Variants in CCSER1 observed in about 807,000 individuals in gnomAD.
CCSER1 encodes the protein serine-rich coiled-coil domain-containing protein 1.
In CCSER1, 41 loss-of-function variants were observed where a neutral mutation model predicts 82.0. That is an observed-to-expected ratio of 0.50 (90% confidence interval 0.39 to 0.65). The LOEUF (loss-of-function observed/expected upper bound fraction) is 0.65, where lower values mean the gene tolerates loss of function less well. CCSER1 is among the 30% of genes least tolerant of loss of function. The probability of loss-of-function intolerance (pLI) is 0.00; values close to 1 mark genes in which losing one functional copy is unlikely to be tolerated. For missense variants in CCSER1, 1,119 were observed against 1,064.2 expected (o/e 1.05, Z -0.72); for synonymous variants, 414 against 383.9 (o/e 1.08, Z -0.92).
intron 10 of CCSER1, among the ~76,000 whole-genome samples, chr4:91,574,256 GA>G (rs36091173): frequency 0.63 from 95,287 of 150,084 alleles, 30,186 homozygotes; most frequent in East Asian, 0.73. Flanking sequence ...TGAGGTTCTG[GA>G]AAAAAAAAAA....
At chr4:91,513,407 A>G (rs971934691) in intron 10 of CCSER1, among the ~76,000 whole-genome samples, 3 of 152,120 alleles carry the variant, frequency 2.0e-5, no homozygotes, top group Non-Finnish European at 4.4e-5. Context: ...CAGCAGGGAT[A>G]TTAGCCTGTG....
chr4:90,255,313 G>A (rs745349647), intron 1 of CCSER1, among the ~76,000 whole-genome samples: 3 of 151,896 alleles, frequency 2.0e-5, no homozygotes, highest in Non-Finnish European at 4.4e-5. Context: ...ACATTCACAA[G>A]TAGAAGGTTG....
At chr4:90,492,916 G>T (rs1257976749) in intron 5 of CCSER1, among the ~76,000 whole-genome samples, 1 of 151,986 alleles carries the variant, frequency 6.6e-6, no homozygotes, top group South Asian at 2.1e-4. Flanking sequence ...TTTTACATTT[G>T]CTGAGGAGTG....
chr4:90,528,778 A>G (rs146654441), intron 5 of CCSER1, among the ~76,000 whole-genome samples: 85 of 152,234 alleles, frequency 5.6e-4, no homozygotes, highest in African/African-American at 2.0e-3. Context: ...ACTCATTCCC[A>G]ATGGGTTGTA....
intron 1 of CCSER1, among the ~76,000 whole-genome samples, chr4:90,133,807 T>C (rs1156829783): frequency 6.6e-6 from 1 of 152,202 alleles, no homozygotes; most frequent in African/African-American, 2.4e-5. Context: ...TTTTGTATGA[T>C]TGGTTCAGTA....
intron 10 of CCSER1, among the ~76,000 whole-genome samples, chr4:91,181,680 C>G (rs1734044129): frequency 6.6e-6 from 1 of 152,170 alleles, no homozygotes; most frequent in Non-Finnish European, 1.5e-5. Context: ...CTTAGGGGAC[C>G]AATTAATAAT....
At chr4:91,502,041 C>A (rs905858104) in intron 10 of CCSER1, among the ~76,000 whole-genome samples, 1 of 152,074 alleles carries the variant, frequency 6.6e-6, no homozygotes, top group African/African-American at 2.4e-5. Context: ...GATTGTATTG[C>A]GACTTAGAAC....
At chr4:90,866,582 G>C (rs1765754910) in intron 8 of CCSER1, among the ~76,000 whole-genome samples, 1 of 151,998 alleles carries the variant, frequency 6.6e-6, no homozygotes, top group Admixed American at 6.6e-5. Context: ...GCTATAAGTT[G>C]AATCCATAAC....
chr4:90,372,515 C>T (rs1218959255), intron 3 of CCSER1, among the ~76,000 whole-genome samples: 5 of 151,892 alleles, frequency 3.3e-5, no homozygotes, highest in East Asian at 1.9e-4. Flanking sequence ...TTTGGGAGGC[C>T]GAGGCAGGCA....
At position 90,641,084 on chromosome 4, in the gene CCSER1, A is replaced by T. The variant is rs533677139; in HGVS notation, c.1932+12852A>T. Among the ~76,000 whole-genome samples the T allele has an allele frequency of 4.1e-4, 62 of 152,252 alleles. 2 individuals are homozygous for T. Among genetic ancestry groups the T allele is most frequent in the South Asian group, 2.1e-4 (1 of 4,828 alleles). On this transcript the variant is annotated intron_variant, in intron 6 of 10. Coordinates refer to ENST00000509176, the MANE Select transcript of CCSER1 (RefSeq NM_001145065.2). ...GGTGCATGTTCAAAACTACTAGATA[A>T]TTTTAAGTTTTCCCTGGTGTTTTTA...
chr4:90,551,518 A>T (rs540685044), intron 5 of CCSER1, among the ~76,000 whole-genome samples: 1 of 151,614 alleles, frequency 6.6e-6, no homozygotes, highest in Non-Finnish European at 1.5e-5. Flanking sequence ...TCATGTCTCA[A>T]TTGGTCCCCT....
intron 10 of CCSER1, among the ~76,000 whole-genome samples, chr4:91,101,536 G>A (rs1342073255): frequency 6.6e-6 from 1 of 152,058 alleles, no homozygotes; most frequent in African/African-American, 2.4e-5. Context: ...TTGGGAGGCT[G>A]AGGCAGGGGA....
chr4:90,402,674 T>C (rs1753051678), intron 4 of CCSER1, among the ~76,000 whole-genome samples: 1 of 152,150 alleles, frequency 6.6e-6, no homozygotes, highest in Admixed American at 6.5e-5. Context: ...AACATAGCAG[T>C]CTCAATTATG....
chr4:91,039,425 T>C (rs1199953561), intron 9 of CCSER1, among the ~76,000 whole-genome samples: 1 of 152,146 alleles, frequency 6.6e-6, no homozygotes, highest in Non-Finnish European at 1.5e-5. Context: ...TTTTTTTTCT[T>C]ATTATGTGTT....
chr4:90,849,998 C>T (rs1038805887), intron 8 of CCSER1, among the ~76,000 whole-genome samples: 7 of 152,118 alleles, frequency 4.6e-5, no homozygotes, highest in Non-Finnish European at 7.3e-5. Context: ...GGCACAGGGA[C>T]ACCCTGCTCT....
chr4:91,577,885 A>T (rs1337781271), intron 10 of CCSER1, among the ~76,000 whole-genome samples: 1 of 152,014 alleles, frequency 6.6e-6, no homozygotes, highest in Non-Finnish European at 1.5e-5. Context: ...CTAAGACAAA[A>T]CTATATGTTG....
chr4:90,419,582 T>A lies in CCSER1; in HGVS notation c.1603+19453T>A, dbSNP rs184303726. On this transcript the variant is annotated intron_variant, in intron 4 of 10. Coordinates refer to ENST00000509176, the MANE Select transcript of CCSER1 (RefSeq NM_001145065.2). The stretch of plus-strand genomic sequence containing the variant: ...TTATGTACAGTTCTAATATACTTGG[T>A]TATATGTTTTCCAAGGCACTGAAAA... 2.9e-3 allele frequency among the ~76,000 whole-genome samples: 444 copies of A among 152,034 alleles called. 4 individuals carry two copies. Among genetic ancestry groups the A allele is most frequent in the Non-Finnish European group, 4.3e-3 (292 of 67,804 alleles).
At chr4:90,535,848 G>C (rs1422540867) in intron 5 of CCSER1, among the ~76,000 whole-genome samples, 2 of 151,958 alleles carry the variant, frequency 1.3e-5, no homozygotes, top group African/African-American at 2.4e-5. Context: ...TTAAAACTCA[G>C]ATGCTTTGCT....
intron 6 of CCSER1, among the ~76,000 whole-genome samples, chr4:90,706,039 C>A (rs907451638): frequency 1.3e-5 from 2 of 152,158 alleles, no homozygotes; most frequent in African/African-American, 4.8e-5. Flanking sequence ...GTTGGAAATG[C>A]AGAAATCGCC....
Sources: gnomAD v4.1 joint callset for allele counts (sites outside exome capture counted in the v4.1 genomes callset) on GRCh38, gnomAD v4.1.1 for gene constraint, MANE v1.5 for transcripts, NCBI Gene and HGNC (gene_info 2026-07-23, HGNC 2026-07-21) for gene names.